CASP5: variants seen among roughly 807,000 people sequenced by gnomAD.
CASP5 encodes caspase-5.
Under a neutral mutation model 45.2 loss-of-function variants are expected in CASP5, and 42 were observed. The ratio of observed to expected loss-of-function variants is 0.93; its 90% CI spans 0.73 to 1.20. The LOEUF (loss-of-function observed/expected upper bound fraction) is 1.20. CASP5 is among the 50% of genes most tolerant of loss of function. The pLI, the probability that CASP5 is intolerant of heterozygous loss-of-function variation, is 0.00. For missense variants in CASP5, 512 were observed against 532.2 expected (o/e 0.96, Z 0.37); for synonymous variants, 209 against 186.2 (o/e 1.12, Z -1.00).
At chr11:104,999,221 C>T (rs933432970) in intron 6 of CASP5, among the ~76,000 whole-genome samples, 193 bp from the exon 7 acceptor site, 9 of 152,098 alleles carry the variant, frequency 5.9e-5, no homozygotes, top group African/African-American at 2.2e-4. Flanking sequence ...CACCCCCCGA[C>T]TGGCCCCGGT....
At chr11:105,004,697 C>T (rs1454075836) in intron 3 of CASP5, among the ~76,000 whole-genome samples, 1 of 151,968 alleles carries the variant, frequency 6.6e-6, no homozygotes, top group South Asian at 2.1e-4. Context: ...AAGTAAATGT[C>T]TTGCTAAAGA....
intron 1 of CASP5, among the ~76,000 whole-genome samples, chr11:105,009,674 T>A (rs1234533180): frequency 7.0e-6 from 1 of 143,592 alleles, no homozygotes; most frequent in Admixed American, 7.2e-5. Context: ...AATGTATTAC[T>A]CCTTGGTATA....
At chr11:105,009,010 C>G (rs1331165289) in intron 1 of CASP5, 30 bp from the exon 2 acceptor site, 12 of 1,604,506 alleles carry the variant, frequency 7.5e-6, no homozygotes, top group Non-Finnish European at 1.0e-5. Flanking sequence ...TCCTTCAACT[C>G]TGGGCACAGC....
At position 105,002,091 on chromosome 11, in the gene CASP5, C is replaced by T; in HGVS notation, c.654G>A (p.Gly218=). Reference sequence around the variant, plus strand: ...CCAGGCCTTGAAGCAGCCTTTTCATCCCCACGATGTCATAGTGAGCCCCAT... The same window carrying T: ...CCAGGCCTTGAAGCAGCCTTTTCATTCCCACGATGTCATAGTGAGCCCCAT... The part of the protein sequence containing the change: ...ARNGAHYDIV[G]MKRLLQGLGY... The change falls in exon 5 of 10, where the codon GGG becomes GGA. Residue 218 remains glycine (G), a synonymous_variant. Transcript: ENST00000260315. The T allele has an allele frequency of 1.2e-6, 2 of 1,614,134 alleles. No homozygotes were observed. Among genetic ancestry groups the T allele is most frequent in the Non-Finnish European group, 1.7e-6 (2 of 1,180,014 alleles).
At chr11:105,014,077 A>G (rs1416215627) in intron 1 of CASP5, among the ~76,000 whole-genome samples, 2 of 152,168 alleles carry the variant, frequency 1.3e-5, no homozygotes, top group African/African-American at 4.8e-5. Context: ...TCTTCACAAT[A>G]AAGAGTGTTC....
At chr11:104,996,835 T>C (rs897213235) in intron 8 of CASP5, among the ~76,000 whole-genome samples, 1 of 152,214 alleles carries the variant, frequency 6.6e-6, no homozygotes, top group Non-Finnish European at 1.5e-5. Context: ...ATGTCCCAAG[T>C]TGGGCAAGGA....
chr11:105,002,521 A>G (rs1372747247), intron 4 of CASP5, among the ~76,000 whole-genome samples: 2 of 152,256 alleles, frequency 1.3e-5, no homozygotes, highest in African/African-American at 4.8e-5. Context: ...CATCGGCTCC[A>G]GTAAAAATAA....
intron 3 of CASP5, among the ~76,000 whole-genome samples, chr11:105,005,392 GTGTGTA>G (rs1262697609): frequency 6.7e-6 from 1 of 148,632 alleles, no homozygotes; most frequent in African/African-American, 2.5e-5. Context: ...GTGTGTGTGT[GTGTGTA>G]AACAGTTAAA....
rs1565383266 is a variant in CASP5, at chr11:105,003,291, TA to T, written c.525del (p.Cys175Ter). 6.3e-7 allele frequency: 1 copy of T among 1,599,516 alleles called. No individual in the cohort carries two copies. The highest frequency in any genetic ancestry group is 1.7e-5 in the Admixed American group (1 of 59,356). On this transcript the variant is annotated frameshift_variant, in exon 4 of 10. Transcript: ENST00000260315. LOFTEE classifies it high-confidence loss of function. ...CACAGCACCTCATCATGATTTTTTT[TA>T]CACAGTCTCAGGAATTCTTCACGAG... Reference protein sequence around the residue: ...LCPREEFLRLCKKNHDEIYPI... With the variant: ...LCPREEFLRLXKKNHDEIYPI...
At position 105,000,309 on chromosome 11, in the gene CASP5, T is replaced by G; in HGVS notation, c.904A>C (p.Ser302Arg). The G allele has an allele frequency of 6.2e-7, 1 of 1,614,254 alleles. No individual in the cohort carries two copies. Among genetic ancestry groups the G allele is most frequent in the Non-Finnish European group, 8.5e-7 (1 of 1,180,040 alleles). The change falls in exon 6 of 10, where the codon AGT becomes CGT. Residue 302 changes from serine (S) to arginine (R), a missense_variant. Physicochemically the swap from Ser to Arg is moderately radical, Grantham distance 110. Transcript: ENST00000260315. ...ATGACCTTGGGTTTGTCCTTTAGAC[T>G]GAGGCAGTTGCGGTTGTTGAATATC... ...FQIFNNRNCL[S>R]LKDKPKVIIV... is the part of the protein sequence containing the mutation.
chr11:104,997,486 A>G lies in CASP5; in HGVS notation c.1103T>C (p.Val368Ala). ...IAFCSSTPHNVSWRDRTRGSI... is the reference protein window; with the variant it reads ...IAFCSSTPHNASWRDRTRGSI... ...GCCCCTTGTGCGGTCTCTCCAGGAC[A>G]CGTTATCTATGATGATACAGCCTGG... The change falls in exon 8 of 10, where the codon GTG (valine) becomes GCG (alanine). Residue 368 changes from valine (V) to alanine (A), a missense_variant. Coordinates refer to ENST00000260315, the MANE Select transcript of CASP5 (RefSeq NM_004347.5). 2 of 1,601,488 alleles carry G rather than the reference A, an allele frequency of 1.2e-6. No individual in the cohort carries two copies. The highest frequency in any genetic ancestry group is 1.7e-6 in the Non-Finnish European group (2 of 1,170,188).
intron 1 of CASP5, among the ~76,000 whole-genome samples, chr11:105,009,927 A>C (rs911196990): frequency 3.3e-5 from 4 of 121,268 alleles, no homozygotes. Context: ...ATATACACAC[A>C]TACACACACA....
chr11:105,004,502 C>G (rs1591160976), intron 3 of CASP5, among the ~76,000 whole-genome samples: 1 of 152,158 alleles, frequency 6.6e-6, no homozygotes, highest in East Asian at 1.9e-4. Context: ...GATCTAATAA[C>G]AAGATTTCTT....
At chr11:105,019,722 G>C (rs1862839717) in intron 1 of CASP5, among the ~76,000 whole-genome samples, 1 of 144,748 alleles carries the variant, frequency 6.9e-6, no homozygotes, top group African/African-American at 2.5e-5. Context: ...AATTCTACCA[G>C]AGGTACAAGG....
intron 1 of CASP5, among the ~76,000 whole-genome samples, chr11:105,009,718 C>T (rs865986600): frequency 2.6e-4 from 22 of 83,552 alleles, no homozygotes; most frequent in African/African-American, 1.2e-3. Context: ...TATATATACA[C>T]ACATATATAT....
At chr11:105,009,364 T>G (rs1030606578) in intron 1 of CASP5, among the ~76,000 whole-genome samples, 1 of 151,842 alleles carries the variant, frequency 6.6e-6, no homozygotes, top group African/African-American at 2.4e-5. Context: ...AAATTATTCC[T>G]ACTAGACTGC....
chr11:105,003,172 GCTGGGC>G, intron 4 of CASP5, 96 bp downstream of exon 4: 3 of 763,172 alleles, frequency 3.9e-6, no homozygotes, highest in Non-Finnish European at 6.8e-6. Context: ...AGCACTCCAG[GCTGGGC>G]AACAGAGCAA....
At position 104,997,489 on chromosome 11, in the gene CASP5, T is replaced by C. The variant is rs1288492999; in HGVS notation, c.1100A>G (p.Asn367Ser). 3 of 1,599,116 alleles carry C rather than the reference T, an allele frequency of 1.9e-6. No homozygotes were observed. The highest frequency in any genetic ancestry group is 1.3e-5 in the African/African-American group (1 of 74,560). The change falls in exon 8 of 10, where the codon AAC (asparagine) becomes AGC (serine). Residue 367 changes from asparagine (N) to serine (S), a missense_variant. Transcript: ENST00000260315. ...CCTTGTGCGGTCTCTCCAGGACACG[T>C]TATCTATGATGATACAGCCTGGTAT... ...FIAFCSSTPH[N>S]VSWRDRTRGS...
At chr11:105,011,415 T>C (rs1188093828) in intron 1 of CASP5, among the ~76,000 whole-genome samples, 2 of 151,670 alleles carry the variant, frequency 1.3e-5, no homozygotes, top group Non-Finnish European at 1.5e-5. Flanking sequence ...ACACACCCAC[T>C]TTCACCGCTT....
Sources: gnomAD v4.1 joint callset for allele counts (sites outside exome capture counted in the v4.1 genomes callset) on GRCh38, gnomAD v4.1.1 for gene constraint, MANE v1.5 for transcripts, NCBI Gene and HGNC (gene_info 2026-07-23, HGNC 2026-07-21) for gene names.